DCC: variants seen among roughly 807,000 people sequenced by gnomAD.
DCC encodes the protein netrin receptor DCC.
DCC carries 58 observed loss-of-function variants against 172.5 expected under a neutral mutation model. That is an observed-to-expected ratio of 0.34 (90% confidence interval 0.27 to 0.42). The LOEUF (loss-of-function observed/expected upper bound fraction) is 0.42, where lower values mean the gene tolerates loss of function less well. DCC is among the 10% of genes least tolerant of loss of function. The pLI, the probability that DCC is intolerant of heterozygous loss-of-function variation, is 1.00. For synonymous variants in DCC, 709 were observed against 644.5 expected (o/e 1.10, Z -1.52); for missense variants, 1,740 against 1,791.0 (o/e 0.97, Z 0.51).
chr18:52,552,532 G>T (rs1156351677), intron 1 of DCC, among the ~76,000 whole-genome samples: 1 of 152,008 alleles, frequency 6.6e-6, no homozygotes, highest in African/African-American at 2.4e-5. Context: ...GAATGGATAA[G>T]AAGTGTATAT....
At chr18:52,786,891 T>TA (rs1699383495) in intron 2 of DCC, among the ~76,000 whole-genome samples, 1 of 152,082 alleles carries the variant, frequency 6.6e-6, no homozygotes, top group African/African-American at 2.4e-5. Context: ...AAAGCCTTGA[T>TA]AAAATAACCA....
At chr18:52,436,782 T>C (rs1987810096) in intron 1 of DCC, among the ~76,000 whole-genome samples, 1 of 152,082 alleles carries the variant, frequency 6.6e-6, no homozygotes. Flanking sequence ...CAGCTAGGCA[T>C]GGTGGTACGC....
chr18:53,191,461 T>G (rs1313850929), intron 9 of DCC, among the ~76,000 whole-genome samples: 1 of 152,184 alleles, frequency 6.6e-6, no homozygotes, highest in Non-Finnish European at 1.5e-5. Context: ...TTCTTAAAAA[T>G]ATTTAATTTT....
At chr18:52,759,810 A>T (rs1053995195) in intron 2 of DCC, among the ~76,000 whole-genome samples, 1 of 152,224 alleles carries the variant, frequency 6.6e-6, no homozygotes, top group African/African-American at 2.4e-5. Context: ...GATTAACAAG[A>T]AAAAAGCATA....
chr18:53,253,933 A>G (rs1171818869), intron 12 of DCC, among the ~76,000 whole-genome samples: 3 of 152,032 alleles, frequency 2.0e-5, no homozygotes, highest in African/African-American at 7.2e-5. Flanking sequence ...GATGAAGGGT[A>G]TATAGGAATC....
chr18:52,415,593 A>AG (rs1986993420), intron 1 of DCC, among the ~76,000 whole-genome samples: 1 of 152,132 alleles, frequency 6.6e-6, no homozygotes, highest in Non-Finnish European at 1.5e-5. Context: ...AAAGTGCATA[A>AG]GGCTGAGAGA....
chr18:53,481,930 A>C (rs1162052159), intron 25 of DCC, among the ~76,000 whole-genome samples: 2 of 152,180 alleles, frequency 1.3e-5, no homozygotes, highest in Non-Finnish European at 2.9e-5. Context: ...GTGTCAGAAC[A>C]GATTTCTTGT....
At chr18:53,263,812 A>T (rs1006550275) in intron 12 of DCC, among the ~76,000 whole-genome samples, 8 of 151,864 alleles carry the variant, frequency 5.3e-5, no homozygotes, top group Non-Finnish European at 8.8e-5. Context: ...ATTTTATGAT[A>T]TTTATAATAT....
chr18:52,437,099 T>G (rs1361839896), intron 1 of DCC, among the ~76,000 whole-genome samples: 1 of 152,196 alleles, frequency 6.6e-6, no homozygotes, highest in Non-Finnish European at 1.5e-5. Flanking sequence ...GGACCACTAC[T>G]GTATAGGTAT....
Position 52,778,792 on chromosome 18 carries a change from G to A in DCC, c.412+26418G>A, listed in dbSNP as rs191312787. Among the ~76,000 whole-genome samples the A allele has an allele frequency of 3.9e-3, 587 of 152,208 alleles. 7 individuals carry two copies. Among genetic ancestry groups the A allele is most frequent in the African/African-American group, 0.014 (572 of 41,534 alleles). ...TATTCTGTTTTATTATCCTCTAAAA[G>A]TTTTGTCACTTTATTTTCCACACTT... On this transcript the variant is annotated intron_variant, in intron 2 of 28. Coordinates refer to ENST00000442544, the MANE Select transcript of DCC (RefSeq NM_005215.4).
chr18:53,490,658 T>C (rs2045950968), intron 26 of DCC, among the ~76,000 whole-genome samples: 1 of 152,200 alleles, frequency 6.6e-6, no homozygotes. Context: ...TTCAGAGATC[T>C]TGGCAGAGCT....
chr18:52,499,524 T>C (rs2093944547), intron 1 of DCC, among the ~76,000 whole-genome samples: 1 of 152,182 alleles, frequency 6.6e-6, no homozygotes, highest in South Asian at 2.1e-4. Context: ...CCTGATCTTC[T>C]GATGGAGTGT....
chr18:53,227,783 T>C (rs944688064), intron 12 of DCC, among the ~76,000 whole-genome samples: 1 of 152,188 alleles, frequency 6.6e-6, no homozygotes, highest in African/African-American at 2.4e-5. Flanking sequence ...TTTGTAGTAA[T>C]GCAAGGTCCT....
chr18:52,636,148 C>T (rs183350771), intron 1 of DCC, among the ~76,000 whole-genome samples: 69 of 152,202 alleles, frequency 4.5e-4, no homozygotes, highest in African/African-American at 1.6e-3. Context: ...ATTAGGAGAG[C>T]CAAGGGAAAT....
intron 12 of DCC, among the ~76,000 whole-genome samples, chr18:53,254,661 G>A (rs1358065850): frequency 6.6e-6 from 1 of 151,962 alleles, no homozygotes; most frequent in African/African-American, 2.4e-5. Context: ...GGATCCTAGG[G>A]AAAGTTTATT....
intron 5 of DCC, among the ~76,000 whole-genome samples, chr18:52,925,822 T>C (rs960666284): frequency 2.6e-5 from 4 of 151,758 alleles, no homozygotes; most frequent in Non-Finnish European, 5.9e-5. Context: ...ACTGTGAGTG[T>C]TGAAAGTGAA....
chr18:52,653,846 C>T (rs2035191794), intron 1 of DCC, among the ~76,000 whole-genome samples: 1 of 151,714 alleles, frequency 6.6e-6, no homozygotes, highest in African/African-American at 2.4e-5. Flanking sequence ...ACTTTTGTTG[C>T]CCAGTGGACC....
chr18:53,283,864 A>G (rs2056902694), intron 12 of DCC, among the ~76,000 whole-genome samples: 1 of 151,876 alleles, frequency 6.6e-6, no homozygotes, highest in Non-Finnish European at 1.5e-5. Context: ...ACCTTGCTTC[A>G]TAAAAGACAG....
intron 1 of DCC, among the ~76,000 whole-genome samples, chr18:52,661,484 A>T (rs2035359054): frequency 6.6e-6 from 1 of 152,178 alleles, no homozygotes; most frequent in East Asian, 1.9e-4. Context: ...GGTTGGTGAG[A>T]TCCCACAGCC....
Sources: gnomAD v4.1 joint callset for allele counts (sites outside exome capture counted in the v4.1 genomes callset) on GRCh38, gnomAD v4.1.1 for gene constraint, MANE v1.5 for transcripts, NCBI Gene and HGNC (gene_info 2026-07-23, HGNC 2026-07-21) for gene names.